The following SUGCT variants were observed in gnomAD, a reference collection of about 807,000 sequenced individuals.
SUGCT encodes succinyl-CoA:glutarate CoA-transferase.
A neutral mutation model predicts 55.0 loss-of-function variants in SUGCT; 41 were observed. The ratio of observed to expected loss-of-function variants is 0.74; its 90% CI spans 0.58 to 0.97. The LOEUF is 0.97. Ranked by LOEUF, SUGCT falls within the 50% of genes least tolerant of loss-of-function variation. SUGCT has a pLI of 0.00. For synonymous variants in SUGCT, 187 were observed against 200.4 expected (o/e 0.93, Z 0.56); for missense variants, 568 against 547.8 (o/e 1.04, Z -0.37).
At chr7:40,531,669 T>C (rs941915598) in intron 12 of SUGCT, among the ~76,000 whole-genome samples, 1 of 150,940 alleles carries the variant, frequency 6.6e-6, no homozygotes, top group East Asian at 1.9e-4. Flanking sequence ...TGTATATATA[T>C]TTTTTTATTT....
intron 12 of SUGCT, among the ~76,000 whole-genome samples, chr7:40,635,769 C>T (rs1167609824): frequency 6.6e-6 from 1 of 152,142 alleles, no homozygotes; most frequent in African/African-American, 2.4e-5. Context: ...TAGCCAAAAG[C>T]TGAATTTTGT....
At chr7:40,761,352 T>C (rs976491033) in intron 13 of SUGCT, among the ~76,000 whole-genome samples, 26 of 152,192 alleles carry the variant, frequency 1.7e-4, no homozygotes. Flanking sequence ...TTTCAGACAG[T>C]TCATGCAGGT....
intron 7 of SUGCT, among the ~76,000 whole-genome samples, chr7:40,272,664 A>ATTT (rs1187514804): frequency 7.3e-4 from 98 of 133,514 alleles, no homozygotes; most frequent in African/African-American, 2.3e-3. Context: ...TATTATTATT[A>ATTT]TTTTTTTTTT....
At chr7:40,527,389 C>T (rs962627533) in intron 12 of SUGCT, among the ~76,000 whole-genome samples, 1 of 152,184 alleles carries the variant, frequency 6.6e-6, no homozygotes, top group African/African-American at 2.4e-5. Context: ...TCTCTTGTTG[C>T]ATTAGATTCT....
chr7:40,988,539 A>G, the SUGCT span, among the ~76,000 whole-genome samples: 1 of 152,100 alleles, frequency 6.6e-6, no homozygotes, highest in Non-Finnish European at 1.5e-5. Flanking sequence ...AGAGTGCTCT[A>G]CAGCTGTATA....
At chr7:40,263,133 G>T (rs539725245) in intron 7 of SUGCT, among the ~76,000 whole-genome samples, 53 of 152,258 alleles carry the variant, frequency 3.5e-4, no homozygotes, top group African/African-American at 1.3e-3. Context: ...TGTTGGCCAG[G>T]CTGGTCTTGA....
chr7:40,713,318 A>G (rs1010793513), intron 12 of SUGCT, among the ~76,000 whole-genome samples: 1 of 152,130 alleles, frequency 6.6e-6, no homozygotes, highest in Non-Finnish European at 1.5e-5. Context: ...CTGGGCTCAG[A>G]CAGTGCCTCT....
At chr7:40,267,620 A>G (rs1489174571) in intron 7 of SUGCT, among the ~76,000 whole-genome samples, 2 of 152,210 alleles carry the variant, frequency 1.3e-5, no homozygotes, top group East Asian at 3.8e-4. Context: ...TAGTACTGCT[A>G]TAGCAGCAGG....
intron 12 of SUGCT, among the ~76,000 whole-genome samples, chr7:40,658,649 G>A (rs1037225076): frequency 1.3e-5 from 2 of 152,256 alleles, no homozygotes; most frequent in East Asian, 3.9e-4. Flanking sequence ...CTTCATTTAA[G>A]GTGAATGTGT....
chr7:40,390,500 CAGAG>C (rs1785366942), intron 9 of SUGCT, among the ~76,000 whole-genome samples: 2 of 152,134 alleles, frequency 1.3e-5, no homozygotes, highest in Non-Finnish European at 2.9e-5. Flanking sequence ...AACAGACAAA[CAGAG>C]AGCCAAATCG....
intron 9 of SUGCT, among the ~76,000 whole-genome samples, chr7:40,391,988 C>G (rs572055247): frequency 1.3e-5 from 2 of 152,264 alleles, no homozygotes; most frequent in Admixed American, 1.3e-4. Flanking sequence ...TTTGTAGGGA[C>G]ATGGATAAAG....
chr7:40,656,344 T>C (rs2151846755), intron 12 of SUGCT, among the ~76,000 whole-genome samples: 1 of 152,182 alleles, frequency 6.6e-6, no homozygotes, highest in African/African-American at 2.4e-5. Flanking sequence ...AAGTTTGCCT[T>C]ACTTAAGCAA....
At chr7:40,899,246 C>G in the SUGCT span, among the ~76,000 whole-genome samples, 2,775 of 152,304 alleles carry the variant, frequency 0.018, 76 homozygotes, top group African/African-American at 0.063. Flanking sequence ...CCTCCCTCCT[C>G]ACCAACCCTG....
chr7:40,192,757 G>A (rs57697217), intron 5 of SUGCT, among the ~76,000 whole-genome samples: 2,106 of 150,080 alleles, frequency 0.014, 48 homozygotes, highest in African/African-American at 0.049. Flanking sequence ...TCAGCCTCCC[G>A]AGTAGCTGGG....
At chr7:40,681,334 T>C (rs942675655) in intron 12 of SUGCT, among the ~76,000 whole-genome samples, 3 of 152,112 alleles carry the variant, frequency 2.0e-5, no homozygotes, top group Non-Finnish European at 4.4e-5. Flanking sequence ...TGCCCAATGA[T>C]TTAATCAATT....
At chr7:40,363,800 G>T (rs1044973870) in intron 9 of SUGCT, among the ~76,000 whole-genome samples, 2 of 152,092 alleles carry the variant, frequency 1.3e-5, no homozygotes, top group Non-Finnish European at 2.9e-5. Flanking sequence ...TTGATTTGGG[G>T]TGGAGAGTTC....
chr7:40,899,895 C>T, the SUGCT span, among the ~76,000 whole-genome samples: 1 of 152,298 alleles, frequency 6.6e-6, no homozygotes, highest in East Asian at 1.9e-4. Flanking sequence ...GCACTCTGCT[C>T]CAGAGTATAA....
At chr7:40,986,631 G>A in the SUGCT span, among the ~76,000 whole-genome samples, 1 of 152,180 alleles carries the variant, frequency 6.6e-6, no homozygotes, top group Non-Finnish European at 1.5e-5. Context: ...AACATTAGTA[G>A]CCTATTTTTA....
the SUGCT span, among the ~76,000 whole-genome samples, chr7:41,027,011 G>A: frequency 1.9e-3 from 285 of 152,192 alleles, no homozygotes; most frequent in Non-Finnish European, 3.1e-3. Flanking sequence ...CAGCCTGGGC[G>A]ACAGAGCAAG....
Sources: gnomAD v4.1 joint callset for allele counts (sites outside exome capture counted in the v4.1 genomes callset) on GRCh38, gnomAD v4.1.1 for gene constraint, MANE v1.5 for transcripts, NCBI Gene and HGNC (gene_info 2026-07-23, HGNC 2026-07-21) for gene names.